NYAP2: variants seen among roughly 807,000 people sequenced by gnomAD.
The protein encoded by NYAP2 is neuronal tyrosine-phosphorylated phosphoinositide-3-kinase adapter 2.
A neutral mutation model predicts 50.4 loss-of-function variants in NYAP2; 23 were observed. The observed-to-expected ratio is 0.46, with a 90% CI of 0.33 to 0.65. The LOEUF is 0.65. Ranked by LOEUF, NYAP2 falls within the 30% of genes least tolerant of loss-of-function variation. The probability of loss-of-function intolerance (pLI) is 0.02; values close to 1 mark genes in which losing one functional copy is unlikely to be tolerated. For synonymous variants in NYAP2, 394 were observed against 365.2 expected (o/e 1.08, Z -0.90); for missense variants, 885 against 861.0 (o/e 1.03, Z -0.35).
intron 3 of NYAP2, among the ~76,000 whole-genome samples, chr2:225,499,638 G>A (rs1690569287): frequency 1.3e-5 from 2 of 152,086 alleles, no homozygotes; most frequent in Admixed American, 1.3e-4. Context: ...AGACTCTGGT[G>A]GTAGAAGCCA....
At chr2:225,685,357 C>G in the NYAP2 span, among the ~76,000 whole-genome samples, 3 of 152,236 alleles carry the variant, frequency 2.0e-5, no homozygotes, top group Admixed American at 2.0e-4. Flanking sequence ...AGATAATATA[C>G]TTAGTGAAAG....
At chr2:225,437,802 A>G (rs760338737) in intron 3 of NYAP2, among the ~76,000 whole-genome samples, 1 of 152,204 alleles carries the variant, frequency 6.6e-6, no homozygotes, top group Non-Finnish European at 1.5e-5. Flanking sequence ...TAAGTTTCAG[A>G]AATCATGTCA....
At chr2:225,681,697 A>G in the NYAP2 span, among the ~76,000 whole-genome samples, 1 of 152,216 alleles carries the variant, frequency 6.6e-6, no homozygotes, top group Non-Finnish European at 1.5e-5. Flanking sequence ...ATCTCACTGC[A>G]TTTATGCACA....
rs770658843 is a variant in NYAP2, at chr2:225,582,754, T to C, written c.1337T>C (p.Leu446Pro). The C allele has an allele frequency of 5.6e-6, 9 of 1,613,294 alleles. No individual in the cohort carries two copies. The South Asian group carries it at 9.9e-5, about 18-fold the overall frequency. The change falls in exon 5 of 7, where the codon CTG (leucine) becomes CCG (proline). Residue 446 changes from leucine (L) to proline (P), a missense_variant. Physicochemically the swap from Leu to Pro is moderately conservative, Grantham distance 98. Coordinates refer to ENST00000636099, the Ensembl canonical transcript of NYAP2. The surrounding 1 kb of genome is among the most constrained non-coding windows in gnomAD (Gnocchi z 7.0). The stretch of plus-strand genomic sequence containing the variant: ...TCCCCCGTCAGCATGGGGAGGTCCC[T>C]GACTCCCCTGAGCCTCAAAAGGCCT...
chr2:225,614,297 T>A (rs1366368004), intron 5 of NYAP2, among the ~76,000 whole-genome samples: 1 of 152,238 alleles, frequency 6.6e-6, no homozygotes, highest in Non-Finnish European at 1.5e-5. Context: ...ATGAACATTT[T>A]AAAATAATCA....
chr2:225,435,550 T>A (rs186884060), intron 3 of NYAP2, among the ~76,000 whole-genome samples: 2 of 152,358 alleles, frequency 1.3e-5, no homozygotes, highest in East Asian at 3.9e-4. Context: ...ATCTACAGTC[T>A]GCTTCTTAAT....
chr2:225,518,893 C>G (rs1690991862), intron 4 of NYAP2, among the ~76,000 whole-genome samples: 1 of 151,808 alleles, frequency 6.6e-6, no homozygotes, highest in South Asian at 2.1e-4. Context: ...GGGCGGGAGC[C>G]TGTAATCCCA....
chr2:225,544,303 A>G (rs912216095), intron 4 of NYAP2, among the ~76,000 whole-genome samples: 1 of 151,786 alleles, frequency 6.6e-6, no homozygotes, highest in Non-Finnish European at 1.5e-5. Flanking sequence ...TTGTTCATAA[A>G]TAGGGACTTA....
chr2:225,608,409 T>A lies in NYAP2; in HGVS notation c.1619-18508T>A, dbSNP rs575064211. On this transcript the variant is annotated intron_variant, in intron 5 of 6. Transcript: ENST00000636099. ...CCTTCTGGTGCCTCTCATACACCTC[T>A]CTTGGGTGAATCTTCCTTTAAAACT... Among the ~76,000 whole-genome samples the A allele has an allele frequency of 8.7e-4, 132 of 152,222 alleles. 2 individuals are homozygous for A. The highest frequency in any genetic ancestry group is 2.9e-3 in the African/African-American group (121 of 41,548).
Position 225,569,589 on chromosome 2 carries a change from T to A in NYAP2, c.524-12352T>A, listed in dbSNP as rs150460721. ...CAGTGTTTTAGAGAAAGTAAAATAT[T>A]AATAGGTATACATTTTGAGGCCCTT... On this transcript the variant is annotated intron_variant, in intron 4 of 6. Transcript: ENST00000636099. 1.4e-3 allele frequency among the ~76,000 whole-genome samples: 213 copies of A among 152,284 alleles called. 2 individuals are homozygous for A. The highest frequency in any genetic ancestry group is 4.8e-3 in the African/African-American group (198 of 41,556).
Position 225,490,086 on chromosome 2 carries a change from C to T in NYAP2, c.222-23285C>T, listed in dbSNP as rs115896417. Among the ~76,000 whole-genome samples the T allele has an allele frequency of 6.7e-3, 1,014 of 152,306 alleles. 17 individuals are homozygous for T. The highest frequency in any genetic ancestry group is 0.023 in the African/African-American group (969 of 41,556). Reference sequence around the variant, plus strand: ...ACCTGCAGTTAAGAAACCTCCTGAACTGTCTTTGACAAGTCAAACTGTGTT... The same window carrying T: ...ACCTGCAGTTAAGAAACCTCCTGAATTGTCTTTGACAAGTCAAACTGTGTT... On this transcript the variant is annotated intron_variant, in intron 3 of 6. Transcript: ENST00000636099.
chr2:225,649,980 T>G (rs1545569), intron 6 of NYAP2, among the ~76,000 whole-genome samples: 145,152 of 152,260 alleles, frequency 0.95, 69,294 homozygotes, highest in African/African-American at 0.99. Flanking sequence ...AACACTATTT[T>G]ATTTGCCAAG....
chr2:225,419,704 T>G (rs1286300408), intron 3 of NYAP2, among the ~76,000 whole-genome samples: 1 of 152,204 alleles, frequency 6.6e-6, no homozygotes, highest in African/African-American at 2.4e-5. Flanking sequence ...TGTATTTGTA[T>G]TAATATTATT....
At chr2:225,546,300 C>T (rs1483103296) in intron 4 of NYAP2, among the ~76,000 whole-genome samples, 6 of 152,168 alleles carry the variant, frequency 3.9e-5, no homozygotes, top group Non-Finnish European at 8.8e-5. Flanking sequence ...CCATGTGAAT[C>T]AAGAGATGCC....
At chr2:225,479,820 A>G (rs1690176350) in intron 3 of NYAP2, among the ~76,000 whole-genome samples, 1 of 152,092 alleles carries the variant, frequency 6.6e-6, no homozygotes, top group South Asian at 2.1e-4. Flanking sequence ...TTCTACATGT[A>G]ATTTCATCAA....
At chr2:225,579,578 A>C (rs1692235429) in intron 4 of NYAP2, among the ~76,000 whole-genome samples, 1 of 152,268 alleles carries the variant, frequency 6.6e-6, no homozygotes, top group South Asian at 2.1e-4. Context: ...ATTGGAGTAA[A>C]TCCAGACATA....
chr2:225,636,756 C>T (rs1278190156), intron 6 of NYAP2, among the ~76,000 whole-genome samples: 2 of 152,146 alleles, frequency 1.3e-5, no homozygotes, highest in African/African-American at 2.4e-5. Context: ...GCTTTCATGG[C>T]TCTTTTCCAA....
chr2:225,414,555 A>T (rs1042996141), intron 3 of NYAP2, among the ~76,000 whole-genome samples: 12 of 152,128 alleles, frequency 7.9e-5, no homozygotes, highest in African/African-American at 2.9e-4. Context: ...CAGGAAGGAT[A>T]GTCGTGTATT....
chr2:225,560,104 C>T (rs1193593860), intron 4 of NYAP2, among the ~76,000 whole-genome samples: 1 of 152,022 alleles, frequency 6.6e-6, no homozygotes, highest in East Asian at 1.9e-4. Context: ...ACCCACCTCC[C>T]TTTCCAAGTC....
Sources: allele counts gnomAD v4.1 joint callset (sites outside exome capture counted in the v4.1 genomes callset), GRCh38; gene constraint gnomAD v4.1.1; non-coding constraint Gnocchi (gnomAD v3.1); transcripts MANE v1.5; gene names NCBI Gene and HGNC (gene_info 2026-07-23, HGNC 2026-07-21).